The following IL27RA variants were observed in gnomAD, a reference collection of about 807,000 sequenced individuals.
IL27RA encodes interleukin 27 receptor subunit alpha, also known as interleukin-27 receptor subunit alpha.
Under a neutral mutation model 80.8 loss-of-function variants are expected in IL27RA, and 61 were observed. The ratio of observed to expected loss-of-function variants is 0.76; its 90% CI spans 0.61 to 0.93. IL27RA has a LOEUF of 0.93. Ranked by LOEUF, IL27RA falls within the 40% of genes least tolerant of loss-of-function variation. The probability of loss-of-function intolerance (pLI) is 0.00; values close to 1 mark genes in which losing one functional copy is unlikely to be tolerated. For missense variants in IL27RA, 735 were observed against 808.1 expected (o/e 0.91, Z 1.10); for synonymous variants, 316 against 332.5 (o/e 0.95, Z 0.54).
intron 10 of IL27RA, 40 bp from the exon 11 acceptor site, chr19:14,050,718 G>A: frequency 6.3e-7 from 1 of 1,589,112 alleles, no homozygotes; most frequent in Non-Finnish European, 8.6e-7. Flanking sequence ...CCTGTGGTAG[G>A]CTTGACCACC....
At chr19:14,050,174 C>T (rs145823067) in intron 10 of IL27RA, among the ~76,000 whole-genome samples, 1 of 151,200 alleles carries the variant, frequency 6.6e-6, no homozygotes, top group African/African-American at 2.4e-5. Context: ...AATATCTAAG[C>T]AGTGTATGAG....
chr19:14,037,719 C>A (rs1975924697), intron 2 of IL27RA, among the ~76,000 whole-genome samples: 1 of 152,100 alleles, frequency 6.6e-6, no homozygotes, highest in African/African-American at 2.4e-5. Context: ...CGTGATGTCC[C>A]TGCACCTGTA....
intron 8 of IL27RA, 65 bp from the exon 9 acceptor site, chr19:14,048,916 C>T: frequency 7.2e-7 from 1 of 1,381,600 alleles, no homozygotes; most frequent in Non-Finnish European, 1.0e-6. Context: ...CCAGTGAAGA[C>T]ACCTAGGAAA....
Position 14,046,449 on chromosome 19 carries a change from T to A in IL27RA, c.972T>A (p.Arg324=). 2 of 1,614,140 alleles carry A rather than the reference T, an allele frequency of 1.2e-6. No individual in the cohort carries two copies. Among genetic ancestry groups the A allele is most frequent in the Non-Finnish European group, 1.7e-6 (2 of 1,180,014 alleles). ...LVCLDSASAP[R]SVAVSSIAGS... is the part of the protein sequence containing the mutation. Reference sequence around the variant, plus strand: ...CTCCAGATTCAGCCTCTGCCCCCCGTAGCGTGGCAGTCAGCAGCATCGCTG... The same window carrying A: ...CTCCAGATTCAGCCTCTGCCCCCCGAAGCGTGGCAGTCAGCAGCATCGCTG... Residue 324 remains arginine (R), a synonymous_variant, in exon 8 of 14, where the codon CGT becomes CGA. Coordinates refer to ENST00000263379, the MANE Select transcript of IL27RA (RefSeq NM_004843.4).
chr19:14,045,940 G>A (rs576412763), intron 6 of IL27RA, among the ~76,000 whole-genome samples: 2 of 152,144 alleles, frequency 1.3e-5, no homozygotes, highest in Admixed American at 6.6e-5. Flanking sequence ...CAGGAACATC[G>A]CTTGAACCCG....
chr19:14,032,395 G>A lies in IL27RA; in HGVS notation c.110G>A (p.Gly37Glu). The stretch of plus-strand genomic sequence containing the variant: ...CTGACTCCCTCTCCAGGCAGCGCCG[G>A]GCCACTGCAGTGCTACGGAGTTGGA... ...FQRTRPQGSA[G>E]PLQCYGVGPL... The change falls in exon 2 of 14, where the codon GGG becomes GAG. Residue 37 changes from glycine to glutamate, a missense_variant. Transcript: ENST00000263379. 2 of 1,613,002 alleles carry A rather than the reference G, an allele frequency of 1.2e-6. No individual in the cohort carries two copies. Among genetic ancestry groups the A allele is most frequent in the Non-Finnish European group, 1.7e-6 (2 of 1,179,336 alleles).
chr19:14,039,592 CA>C lies in IL27RA; in HGVS notation c.306del (p.Lys102AsnfsTer19). ...CTCGGGAACAGCTCACCATGTCTGACAAACTCCTTGTCTGGGGCACTAAGGC... is the reference window on the plus strand; with the variant it reads ...CTCGGGAACAGCTCACCATGTCTGACAACTCCTTGTCTGGGGCACTAAGGC... ...IPREQLTMSD[K>X]LLVWGTKAGQ... is the part of the protein sequence containing the mutation. On this transcript the variant is annotated frameshift_variant, in exon 3 of 14. Transcript: ENST00000263379. LOFTEE classifies it high-confidence loss of function. 1 of 1,614,232 alleles carries C rather than the reference CA, an allele frequency of 6.2e-7. No homozygotes were observed. The highest frequency in any genetic ancestry group is 8.5e-7 in the Non-Finnish European group (1 of 1,180,044).
At chr19:14,046,381 G>T in intron 7 of IL27RA, 44 bp downstream of exon 7, 1 of 1,613,840 alleles carries the variant, frequency 6.2e-7, no homozygotes, top group African/African-American at 1.3e-5. Flanking sequence ...CTGGAGGGGT[G>T]GGAAGTGACT....
chr19:14,050,759 G>A lies in IL27RA; in HGVS notation c.1404G>A (p.Val468=), dbSNP rs772244959. 1 of 1,610,610 alleles carries A rather than the reference G, an allele frequency of 6.2e-7. No homozygotes were observed. The highest frequency in any genetic ancestry group is 1.1e-5 in the South Asian group (1 of 90,854). ...SGTSPSVCMN[V]SGNTQSVTLP... ...AACTTCTTTGGTTGTGTTCTCCAGT[G>A]AGTGGCAACACACAGAGTGTCACCC... is the stretch of plus-strand genomic sequence containing the variant. Residue 468 remains valine, a splice_region_variant and synonymous_variant, in exon 11 of 14, where the codon GTG becomes GTA. Transcript: ENST00000263379.
chr19:14,038,920 G>T (rs1453340514), intron 2 of IL27RA, among the ~76,000 whole-genome samples: 2 of 150,876 alleles, frequency 1.3e-5, no homozygotes, highest in African/African-American at 4.9e-5. Context: ...AAGCAAGGAA[G>T]GAAGGGAGGG....
At chr19:14,039,943 T>G in intron 4 of IL27RA, 33 bp downstream of exon 4, 1 of 1,604,484 alleles carries the variant, frequency 6.2e-7, no homozygotes, top group Non-Finnish European at 8.5e-7. Flanking sequence ...CCCCACCCTA[T>G]TCCGGGCGGG....
rs769827236 is a variant in IL27RA at position 14,042,744 on chromosome 19, C to A, written c.723C>A (p.Asn241Lys). 3.3e-5 allele frequency: 53 copies of A among 1,614,140 alleles called. No homozygotes were observed. The highest frequency in any genetic ancestry group is 2.1e-4 in the South Asian group (19 of 91,084). Reference sequence around the variant, plus strand: ...CAAAAGATGTGTGGGTATCAGGGAACCTCTGTGGGACGCCTGGAGGAGAGG... The same window carrying A: ...CAAAAGATGTGTGGGTATCAGGGAAACTCTGTGGGACGCCTGGAGGAGAGG... ...SAPKDVWVSGNLCGTPGGEEP... is the reference protein window; with the variant it reads ...SAPKDVWVSGKLCGTPGGEEP... The change falls in exon 6 of 14, where the codon AAC becomes AAA. Residue 241 changes from asparagine to lysine, a missense_variant. Transcript: ENST00000263379.
In IL27RA at chr19:14,051,736, G is replaced by T; in HGVS notation, c.1622+36G>T. On this transcript the variant is annotated intron_variant, in intron 12 of 13. Coordinates refer to ENST00000263379, the MANE Select transcript of IL27RA (RefSeq NM_004843.4). ...CGGATACATGCATCTCTACCCACGT[G>T]GGGAAGGCAGCTGGGCATTTTGCTG... 1.3e-6 allele frequency: 2 copies of T among 1,522,144 alleles called. 1 individual carries two copies. The highest frequency in any genetic ancestry group is 2.3e-5 in the South Asian group (2 of 87,714). The allele number at this position is 1,522,144 out of a possible 1,614,324, so 94.3% of individuals were successfully genotyped here.
Position 14,042,504 on chromosome 19 carries a change from T to G in IL27RA, c.586T>G (p.Leu196Val), listed in dbSNP as rs759473852. Residue 196 changes from leucine (L) to valine (V), a missense_variant, in exon 5 of 14, where the codon TTG (leucine) becomes GTG (valine). Leu to Val is a conservative substitution (Grantham distance 32). Coordinates refer to ENST00000263379, the MANE Select transcript of IL27RA (RefSeq NM_004843.4). ...IPLTPVEIQDLELATGYKVYG... is the reference protein window; with the variant it reads ...IPLTPVEIQDVELATGYKVYG... ...CCTGACCCCTGTTGAGATCCAAGAT[T>G]TGGAGCTAGCCACTGGCTACAAAGT... The G allele has an allele frequency of 1.2e-6, 2 of 1,614,178 alleles. No homozygotes were observed. Among genetic ancestry groups the G allele is most frequent in the Non-Finnish European group, 1.7e-6 (2 of 1,180,028 alleles).
chr19:14,049,360 C>A lies in IL27RA; in HGVS notation c.1402+46C>A, dbSNP rs983469534. On this transcript the variant is annotated intron_variant, in intron 10 of 13. Transcript: ENST00000263379. ...ACCTGTCCTCCCAGCCCCCACAAGA[C>A]CCACCCATCAGTCAGCCCCACCCCT... is the stretch of plus-strand genomic sequence containing the variant. 7 of 1,583,988 alleles carry A rather than the reference C, an allele frequency of 4.4e-6. No homozygotes were observed. The South Asian group carries it at 5.7e-5, about 13-fold the overall frequency.
At chr19:14,037,674 T>A (rs1358619845) in intron 2 of IL27RA, among the ~76,000 whole-genome samples, 1 of 152,080 alleles carries the variant, frequency 6.6e-6, no homozygotes, top group Non-Finnish European at 1.5e-5. Flanking sequence ...CCTCATCTCC[T>A]TCAGGCCTTT....
At chr19:14,047,682 CTT>C (rs970777009) in intron 8 of IL27RA, among the ~76,000 whole-genome samples, 1 of 113,260 alleles carries the variant, frequency 8.8e-6, no homozygotes, top group African/African-American at 3.6e-5. Context: ...TTTTTGGAGT[CTT>C]GCTCTGTCGC....
At chr19:14,040,286 C>T (rs190428155) in intron 4 of IL27RA, among the ~76,000 whole-genome samples, 2 of 151,790 alleles carry the variant, frequency 1.3e-5, no homozygotes, top group East Asian at 1.9e-4. Context: ...CACTGGAACC[C>T]GAGAGGCAGA....
intron 2 of IL27RA, 75 bp downstream of exon 2, chr19:14,032,578 A>C (rs538644445): frequency 9.0e-6 from 7 of 780,834 alleles, no homozygotes; most frequent in Admixed American, 2.3e-5. Context: ...TTTGGTTGAA[A>C]GGTTCCAGGA....
Sources: allele counts gnomAD v4.1 joint callset (sites outside exome capture counted in the v4.1 genomes callset), GRCh38; gene constraint gnomAD v4.1.1; transcripts MANE v1.5; gene names NCBI Gene and HGNC (gene_info 2026-07-23, HGNC 2026-07-21).